Variants in PTPRQ observed in about 807,000 individuals in gnomAD.
The protein encoded by PTPRQ is phosphatidylinositol phosphatase PTPRQ.
A neutral mutation model predicts 246.0 loss-of-function variants in PTPRQ; 199 were observed. The observed-to-expected ratio is 0.81, with a 90% confidence interval of 0.72 to 0.91. The LOEUF (loss-of-function observed/expected upper bound fraction) is 0.91, where lower values mean the gene tolerates loss of function less well. Ranked by LOEUF, PTPRQ falls within the 40% of genes least tolerant of loss-of-function variation. The pLI, the probability that PTPRQ is intolerant of heterozygous loss-of-function variation, is 0.00. For synonymous variants in PTPRQ, 869 were observed against 853.2 expected (o/e 1.02, Z -0.32); for missense variants, 2,624 against 2,528.4 (o/e 1.04, Z -0.81).
Position 80,605,348 on chromosome 12 carries a change from A to G in PTPRQ, c.4731+168A>G, listed in dbSNP as rs74485951. Among the ~76,000 whole-genome samples, 324 of 151,514 alleles carry G rather than the reference A, an allele frequency of 2.1e-3. 6 individuals carry two copies. The East Asian group carries it at 0.043, about 20-fold the overall frequency. ...TCTGTAAAGATTAATAATAGTAAAC[A>G]GGGTATGAGGACTGAATCAGTTAAC... On this transcript the variant is annotated intron_variant, in intron 27 of 44. Coordinates refer to ENST00000644991, the MANE Select transcript of PTPRQ (RefSeq NM_001145026.2).
intron 17 of PTPRQ, among the ~76,000 whole-genome samples, chr12:80,520,823 G>A (rs953242771): frequency 8.6e-5 from 13 of 151,938 alleles, no homozygotes; most frequent in African/African-American, 2.4e-4. Context: ...ATAAACATAC[G>A]TGTGCATGTG....
chr12:80,477,462 T>C (rs1893849649), intron 8 of PTPRQ, among the ~76,000 whole-genome samples: 1 of 152,218 alleles, frequency 6.6e-6, no homozygotes, highest in African/African-American at 2.4e-5. Context: ...ATGACTTTTA[T>C]TTTGGAAAAT....
chr12:80,522,517 ATT>A (rs1431889911), intron 17 of PTPRQ, among the ~76,000 whole-genome samples: 1 of 152,008 alleles, frequency 6.6e-6, no homozygotes, highest in East Asian at 1.9e-4. Context: ...GATAGCTCTT[ATT>A]ATTTTGAAAT....
Position 80,527,569 on chromosome 12 carries a change from T to C in PTPRQ, c.2679-6446T>C, listed in dbSNP as rs528287996. On this transcript the variant is annotated intron_variant, in intron 17 of 44. Transcript: ENST00000644991. ...ACTTATAGAAGCTAAATTAAAAATTTACAAAAGAGAAAAACAAAACTAATA... is the reference window on the plus strand; with the variant it reads ...ACTTATAGAAGCTAAATTAAAAATTCACAAAAGAGAAAAACAAAACTAATA... 2.3e-4 allele frequency among the ~76,000 whole-genome samples: 35 copies of C among 152,002 alleles called. No homozygotes were observed. In the East Asian group the frequency reaches 3.7e-3, roughly 16 times the overall value.
chr12:80,604,923 C>G, intron 26 of PTPRQ, 136 bp from the exon 27 acceptor site: 1 of 945,080 alleles, frequency 1.1e-6, no homozygotes, highest in Admixed American at 4.1e-5. Context: ...GCCTTTAGCA[C>G]TCTGTGAAAT....
In PTPRQ at chr12:80,642,929, A is replaced by AC. The variant is rs1565836901; in HGVS notation, c.5916-5968_5916-5967insC. Among the ~76,000 whole-genome samples the AC allele has an allele frequency of 6.7e-4, 95 of 141,198 alleles. 2 individuals carry two copies. Among genetic ancestry groups the AC allele is most frequent in the African/African-American group, 2.5e-3 (82 of 32,922 alleles). 92.6% of individuals were successfully genotyped at this position (141,198 alleles called of 152,430 possible). On this transcript the variant is annotated intron_variant, in intron 35 of 44. Transcript: ENST00000644991. ...AGCGAGACTCCGTCTTAAAAAAAAA[A>AC]AAAAAAAAAAAAAAAAACAATTGAG...
intron 21 of PTPRQ, 106 bp downstream of exon 21, chr12:80,541,951 C>T (rs1170914300): frequency 7.5e-6 from 11 of 1,457,950 alleles, no homozygotes; most frequent in East Asian, 2.5e-5. Flanking sequence ...TGTTTGATCT[C>T]AAGTAATTAG....
chr12:80,500,624 A>G (rs1894769406), intron 14 of PTPRQ, among the ~76,000 whole-genome samples: 1 of 152,020 alleles, frequency 6.6e-6, no homozygotes, highest in Non-Finnish European at 1.5e-5. Flanking sequence ...TTTAAACCCA[A>G]TCTTTTATCT....
At chr12:80,631,537 G>T (rs1899436199) in intron 33 of PTPRQ, among the ~76,000 whole-genome samples, 1 of 152,032 alleles carries the variant, frequency 6.6e-6, no homozygotes, top group East Asian at 1.9e-4. Flanking sequence ...GTAGCCTTTT[G>T]TTAGCTTCCT....
intron 26 of PTPRQ, among the ~76,000 whole-genome samples, chr12:80,604,442 G>A (rs1013721199): frequency 4.0e-5 from 6 of 151,426 alleles, no homozygotes; most frequent in African/African-American, 1.5e-4. Context: ...AACAAAGTAG[G>A]ACAAATTAAG....
chr12:80,537,572 A>G (rs1218396201), intron 19 of PTPRQ, among the ~76,000 whole-genome samples: 1 of 152,240 alleles, frequency 6.6e-6, no homozygotes, highest in Admixed American at 6.5e-5. Flanking sequence ...AAAATATTAT[A>G]GTAGACCAAC....
At chr12:80,484,696 A>G in intron 9 of PTPRQ, 91 bp downstream of exon 9, 1 of 1,451,774 alleles carries the variant, frequency 6.9e-7, no homozygotes, top group South Asian at 1.3e-5. Flanking sequence ...CCACACATGT[A>G]ATATTTGACC....
chr12:80,579,893 A>G (rs1200502596), intron 25 of PTPRQ, among the ~76,000 whole-genome samples: 2 of 152,186 alleles, frequency 1.3e-5, no homozygotes, highest in Admixed American at 6.5e-5. Flanking sequence ...TTTTATAAAT[A>G]TAATTCACAA....
rs375263670 is a variant in PTPRQ at position 80,497,583 on chromosome 12, C to T, written c.2272+1052C>T. 4.2e-4 allele frequency among the ~76,000 whole-genome samples: 64 copies of T among 152,078 alleles called. No homozygotes were observed. In the East Asian group the frequency reaches 8.4e-3, roughly 20 times the overall value. On this transcript the variant is annotated intron_variant, in intron 14 of 44. Transcript: ENST00000644991. ...TGCTGGATGGGTTGGGAGAGGATAT[C>T]CCATCTAAAGGAAGTAAAACAAGCA...
At chr12:80,519,012 A>G (rs746332748) in intron 17 of PTPRQ, among the ~76,000 whole-genome samples, 1 of 152,102 alleles carries the variant, frequency 6.6e-6, no homozygotes, top group South Asian at 2.1e-4. Context: ...TCTGTGAAGA[A>G]TGTCTTTGAT....
At chr12:80,564,913 C>T (rs2120932046) in intron 25 of PTPRQ, among the ~76,000 whole-genome samples, 1 of 152,228 alleles carries the variant, frequency 6.6e-6, no homozygotes, top group African/African-American at 2.4e-5. Context: ...CATTATAAAA[C>T]TTTCTTCATT....
At chr12:80,637,867 G>C (rs917628960) in intron 35 of PTPRQ, among the ~76,000 whole-genome samples, 1 of 152,156 alleles carries the variant, frequency 6.6e-6, no homozygotes, top group Admixed American at 6.5e-5. Flanking sequence ...GTAGATTCTA[G>C]GAGTGAGAAT....
At chr12:80,511,875 T>G (rs554760240) in intron 17 of PTPRQ, among the ~76,000 whole-genome samples, 5 of 152,326 alleles carry the variant, frequency 3.3e-5, no homozygotes, top group South Asian at 4.1e-4. Flanking sequence ...GGTAAGGATT[T>G]TGTTTTCATT....
Position 80,447,529 on chromosome 12 carries a change from T to C in PTPRQ, c.390+1812T>C, listed in dbSNP as rs147831714. 2.8e-3 allele frequency among the ~76,000 whole-genome samples: 419 copies of C among 152,230 alleles called. 2 individuals carry two copies. The highest frequency in any genetic ancestry group is 9.9e-3 in the African/African-American group (410 of 41,550). Reference sequence around the variant, plus strand: ...TTTTCTTACTAGTATTTTTATAGTTTCAGGTTTTATATTTAAGTCCTTAAT... The same window carrying C: ...TTTTCTTACTAGTATTTTTATAGTTCCAGGTTTTATATTTAAGTCCTTAAT... On this transcript the variant is annotated intron_variant, in intron 3 of 44. Transcript: ENST00000644991.
Sources: allele counts gnomAD v4.1 joint callset (sites outside exome capture counted in the v4.1 genomes callset), GRCh38; gene constraint gnomAD v4.1.1; transcripts MANE v1.5; gene names NCBI Gene and HGNC (gene_info 2026-07-23, HGNC 2026-07-21).